DOCK4: variants seen among roughly 807,000 people sequenced by gnomAD.
DOCK4 encodes dedicator of cytokinesis protein 4.
A neutral mutation model predicts 268.1 loss-of-function variants in DOCK4; 97 were observed. The ratio of observed to expected loss-of-function variants is 0.36; its 90% CI spans 0.31 to 0.43. The LOEUF (loss-of-function observed/expected upper bound fraction) is 0.43, where lower values mean the gene tolerates loss of function less well. Among genes scored for constraint, DOCK4 ranks in the 20% least tolerant of loss-of-function variants. The pLI, the probability that DOCK4 is intolerant of heterozygous loss-of-function variation, is 1.00. For missense variants in DOCK4, 2,145 were observed against 2,455.7 expected, an observed-to-expected ratio of 0.87 and a Z score of 2.67; for synonymous variants, 954 against 887.2, an observed-to-expected ratio of 1.08 and a Z score of -1.34.
At chr7:111,731,675 T>C (rs564117248) in intron 52 of DOCK4, among the ~76,000 whole-genome samples, 2 of 152,258 alleles carry the variant, frequency 1.3e-5, no homozygotes, top group East Asian at 3.8e-4. Context: ...AGAAATCTTT[T>C]AAATCCATAT....
intron 8 of DOCK4, among the ~76,000 whole-genome samples, chr7:111,956,365 T>C (rs1000194117): frequency 2.6e-5 from 4 of 152,152 alleles, no homozygotes; most frequent in African/African-American, 7.2e-5. Flanking sequence ...ATTCAAGCCC[T>C]GCAAAAACAG....
rs539216247 is a variant in DOCK4 at position 112,183,748 on chromosome 7, G to T, written c.37+22354C>A. ...GAGAACCACTGATTTAACTTGGAGT[G>T]AGGCGATGTGTCAGCAACAGGTAGC... On this transcript the variant is annotated intron_variant, in intron 1 of 52. Transcript: ENST00000428084. Among the ~76,000 whole-genome samples the T allele has an allele frequency of 4.6e-5, 7 of 152,300 alleles. No homozygotes were observed. In the South Asian group the frequency reaches 1.5e-3, roughly 32 times the overall value.
chr7:111,776,659 A>G (rs1165714389), intron 36 of DOCK4, among the ~76,000 whole-genome samples: 1 of 152,186 alleles, frequency 6.6e-6, no homozygotes, highest in East Asian at 1.9e-4. Context: ...GAATTTGGTA[A>G]AGGAAATAAA....
At chr7:111,881,351 T>C (rs1562839963) in intron 16 of DOCK4, among the ~76,000 whole-genome samples, 2 of 152,060 alleles carry the variant, frequency 1.3e-5, no homozygotes, top group Non-Finnish European at 2.9e-5. Flanking sequence ...ATCAGAGAAA[T>C]GCAAATCAAA....
chr7:111,947,419 AG>A (rs1294574695), intron 8 of DOCK4, among the ~76,000 whole-genome samples: 2 of 152,218 alleles, frequency 1.3e-5, no homozygotes, highest in Non-Finnish European at 2.9e-5. Context: ...CATATGAGAA[AG>A]GGCAGCCAAT....
rs1479665339 is a variant in DOCK4, at chr7:112,120,245, T to C, written c.37+85857A>G. On this transcript the variant is annotated intron_variant, in intron 1 of 52. Transcript: ENST00000428084. ...TTACTAAACAAATAACAGCTAAAAC[T>C]CTGAACAGTAAAAACATCTATTAAT... 5.3e-5 allele frequency among the ~76,000 whole-genome samples: 8 copies of C among 152,284 alleles called. No homozygotes were observed. In the East Asian group the frequency reaches 1.5e-3, roughly 29 times the overall value.
intron 39 of DOCK4, among the ~76,000 whole-genome samples, chr7:111,762,762 C>CTTTTTTTTTTTTTTTTTTTTTGTTTT (rs1797512217): frequency 1.6e-5 from 1 of 63,068 alleles, no homozygotes; most frequent in Non-Finnish European, 3.0e-5. Context: ...GTTTTGTTTT[C>CTTTTTTTTTTTTTTTTTTTTTGTTTT]TTTTTTTTTT....
Position 111,767,132 on chromosome 7 carries a change from A to G in DOCK4, c.3829-14T>C. On this transcript the variant is annotated splice_polypyrimidine_tract_variant and intron_variant, in intron 37 of 52. Transcript: ENST00000428084. Reference sequence around the variant, plus strand: ...ATTCTCCCAACACTGTGGACAAATGAATGAGATCAATGGAACCATCTGACA... The same window carrying G: ...ATTCTCCCAACACTGTGGACAAATGGATGAGATCAATGGAACCATCTGACA... 6.2e-7 allele frequency: 1 copy of G among 1,605,554 alleles called. No homozygotes were observed. The highest frequency in any genetic ancestry group is 8.5e-7 in the Non-Finnish European group (1 of 1,173,020).
At chr7:112,100,535 C>T (rs1174485729) in intron 1 of DOCK4, among the ~76,000 whole-genome samples, 1 of 152,234 alleles carries the variant, frequency 6.6e-6, no homozygotes, top group Non-Finnish European at 1.5e-5. Flanking sequence ...GCCCAAGGGC[C>T]CCATTCTTAG....
intron 44 of DOCK4, among the ~76,000 whole-genome samples, chr7:111,742,477 G>A (rs1795983962): frequency 6.6e-6 from 1 of 152,050 alleles, no homozygotes; most frequent in African/African-American, 2.4e-5. Context: ...GGGTGGAGAA[G>A]GAATAGGGGC....
intron 15 of DOCK4, among the ~76,000 whole-genome samples, chr7:111,899,964 C>T (rs1791003558): frequency 1.3e-5 from 2 of 152,178 alleles, no homozygotes; most frequent in South Asian, 4.1e-4. Flanking sequence ...GCAATTACTT[C>T]ATGTTACTTC....
chr7:111,876,865 G>A (rs1806934017), intron 17 of DOCK4, among the ~76,000 whole-genome samples, 165 bp downstream of exon 17: 1 of 150,854 alleles, frequency 6.6e-6, no homozygotes, highest in Non-Finnish European at 1.5e-5. Flanking sequence ...GCATTCAACA[G>A]GTCACTGGGT....
intron 13 of DOCK4, 85 bp from the exon 14 acceptor site, chr7:111,901,886 T>A: frequency 1.0e-6 from 1 of 978,246 alleles, no homozygotes; most frequent in African/African-American, 1.6e-5. Flanking sequence ...CTTTAGTTTA[T>A]ACAATATACT....
At chr7:111,980,524 C>T (rs79255139) in intron 7 of DOCK4, among the ~76,000 whole-genome samples, 1,846 of 152,302 alleles carry the variant, frequency 0.012, 21 homozygotes, top group Non-Finnish European at 0.018. Flanking sequence ...TTTTAATCTT[C>T]AAATAATGCA....
chr7:112,166,015 C>T (rs370551853), intron 1 of DOCK4, among the ~76,000 whole-genome samples: 96 of 152,256 alleles, frequency 6.3e-4, no homozygotes, highest in African/African-American at 2.1e-3. Context: ...AGGCCATCAT[C>T]CCCAACCATT....
intron 30 of DOCK4, among the ~76,000 whole-genome samples, chr7:111,796,078 A>G (rs888062246): frequency 6.6e-6 from 1 of 152,032 alleles, no homozygotes; most frequent in African/African-American, 2.4e-5. Context: ...CCCCTCCTTT[A>G]GCTGCACCCT....
chr7:112,154,449 G>C (rs1310934402), intron 1 of DOCK4, among the ~76,000 whole-genome samples: 1 of 152,122 alleles, frequency 6.6e-6, no homozygotes. Flanking sequence ...CTTTGCACTT[G>C]CTTTCTGAAA....
intron 16 of DOCK4, among the ~76,000 whole-genome samples, chr7:111,895,151 T>C (rs1359690856): frequency 6.6e-6 from 1 of 152,238 alleles, no homozygotes; most frequent in African/African-American, 2.4e-5. Context: ...ATGACAATTC[T>C]TGATTTATAA....
intron 1 of DOCK4, among the ~76,000 whole-genome samples, chr7:112,007,237 C>T (rs1453068244): frequency 6.6e-6 from 1 of 152,022 alleles, no homozygotes; most frequent in East Asian, 1.9e-4. Context: ...TGTCTTTCTA[C>T]TTGGGAAGAG....
Sources: gnomAD v4.1 joint callset for allele counts (sites outside exome capture counted in the v4.1 genomes callset) on GRCh38, gnomAD v4.1.1 for gene constraint, MANE v1.5 for transcripts, NCBI Gene and HGNC (gene_info 2026-07-23, HGNC 2026-07-21) for gene names.